SYN3: variants seen among roughly 807,000 people sequenced by gnomAD.
The protein encoded by SYN3 is synapsin III.
SYN3 carries 35 observed loss-of-function variants against 65.8 expected under a neutral mutation model. The ratio of observed to expected loss-of-function variants is 0.53; its 90% CI spans 0.41 to 0.70. The LOEUF (loss-of-function observed/expected upper bound fraction) is 0.70, where lower values mean the gene tolerates loss of function less well. SYN3 is among the 30% of genes least tolerant of loss of function. SYN3 has a pLI of 0.00. For synonymous variants in SYN3, 270 were observed against 292.9 expected, an observed-to-expected ratio of 0.92 and a Z score of 0.80; for missense variants, 680 against 749.0, an observed-to-expected ratio of 0.91 and a Z score of 1.08.
At chr22:32,968,086 G>A (rs1227144803) in intron 3 of SYN3, among the ~76,000 whole-genome samples, 1 of 152,176 alleles carries the variant, frequency 6.6e-6, no homozygotes, top group Non-Finnish European at 1.5e-5. Flanking sequence ...AGAGGAGGTT[G>A]GCAATGGCTC....
chr22:32,590,237 A>G (rs2059109633), intron 7 of SYN3, among the ~76,000 whole-genome samples: 1 of 152,214 alleles, frequency 6.6e-6, no homozygotes, highest in South Asian at 2.1e-4. Context: ...AAATATGTAT[A>G]TGAGTTAATG....
chr22:32,843,642 G>A (rs1485565019), intron 6 of SYN3, among the ~76,000 whole-genome samples: 1 of 152,100 alleles, frequency 6.6e-6, no homozygotes, highest in Non-Finnish European at 1.5e-5. Flanking sequence ...TCATGGGTAG[G>A]GCATCATTCC....
At chr22:32,814,351 G>GAAAGAA (rs1555970165) in intron 6 of SYN3, among the ~76,000 whole-genome samples, 1 of 14,574 alleles carries the variant, frequency 6.9e-5, no homozygotes, top group Non-Finnish European at 2.0e-4. Context: ...GAAAGAAAGA[G>GAAAGAA]AGAAAGAAAG....
intron 6 of SYN3, among the ~76,000 whole-genome samples, chr22:32,702,612 TTAACA>T (rs2060825009): frequency 6.6e-6 from 1 of 152,248 alleles, no homozygotes; most frequent in Non-Finnish European, 1.5e-5. Flanking sequence ...TGATATCCAC[TTAACA>T]TATGTTAACC....
chr22:33,024,472 C>A (rs1030818930), intron 1 of SYN3, among the ~76,000 whole-genome samples: 1 of 107,548 alleles, frequency 9.3e-6, no homozygotes, highest in African/African-American at 4.0e-5. Flanking sequence ...TCTTGATCTC[C>A]AAAATGGGAC....
chr22:32,929,001 G>A lies in SYN3; in HGVS notation c.461+2389C>T, dbSNP rs182047088. Among the ~76,000 whole-genome samples the A allele has an allele frequency of 1.0e-3, 155 of 152,210 alleles. 4 individuals are homozygous for A. The highest frequency in any genetic ancestry group is 3.1e-3 in the African/African-American group (130 of 41,536). ...TGTTTAAAAAAAAAATGGTTGTATC[G>A]GCTGGTCGCGGTGGCTCACACCTGT... On this transcript the variant is annotated intron_variant, in intron 4 of 13. Transcript: ENST00000358763.
At chr22:32,909,395 A>G (rs1396708157) in intron 4 of SYN3, among the ~76,000 whole-genome samples, 2 of 152,148 alleles carry the variant, frequency 1.3e-5, no homozygotes, top group African/African-American at 4.8e-5. Flanking sequence ...AGTTTACTTC[A>G]GGGACAGGAT....
chr22:33,040,686 T>C (rs1029364041), intron 1 of SYN3, among the ~76,000 whole-genome samples: 2 of 152,150 alleles, frequency 1.3e-5, no homozygotes, highest in African/African-American at 4.8e-5. Flanking sequence ...AATTGAATCA[T>C]GGGGGTGGTT....
At chr22:32,586,125 T>C (rs79744737) in intron 7 of SYN3, among the ~76,000 whole-genome samples, 15,178 of 149,198 alleles carry the variant, frequency 0.1, 932 homozygotes, top group African/African-American at 0.16. Flanking sequence ...TATATATGTA[T>C]ATGTATGTAT....
intron 3 of SYN3, among the ~76,000 whole-genome samples, chr22:32,943,934 C>A (rs1393300560): frequency 3.3e-5 from 5 of 152,104 alleles, no homozygotes; most frequent in African/African-American, 1.2e-4. Flanking sequence ...ACAGGAGCAC[C>A]CAGATTCATA....
intron 6 of SYN3, among the ~76,000 whole-genome samples, chr22:32,736,884 C>T (rs1342587802): frequency 6.6e-6 from 1 of 152,158 alleles, no homozygotes; most frequent in Non-Finnish European, 1.5e-5. Flanking sequence ...TGCCTGAAGC[C>T]TGTGTATTCT....
intron 7 of SYN3, among the ~76,000 whole-genome samples, chr22:32,547,541 TCTC>T (rs1414121438): frequency 6.6e-6 from 1 of 152,064 alleles, no homozygotes; most frequent in African/African-American, 2.4e-5. Context: ...CTCACACTCT[TCTC>T]CTCTCTTGCT....
At chr22:32,537,997 A>C in intron 9 of SYN3, 39 bp downstream of exon 9, 1 of 1,583,074 alleles carries the variant, frequency 6.3e-7, no homozygotes, top group Non-Finnish European at 8.7e-7. Flanking sequence ...AGCTCCTACT[A>C]TGGCCAGTGC....
At chr22:32,984,788 G>A (rs2052475450) in intron 2 of SYN3, among the ~76,000 whole-genome samples, 1 of 152,246 alleles carries the variant, frequency 6.6e-6, no homozygotes, top group African/African-American at 2.4e-5. Context: ...GCCTGGGACC[G>A]GGAATGGTAA....
chr22:32,638,983 TCA>T (rs1482450720), intron 6 of SYN3, among the ~76,000 whole-genome samples: 1 of 152,156 alleles, frequency 6.6e-6, no homozygotes, highest in African/African-American at 2.4e-5. Context: ...AGACAGAGTC[TCA>T]CTCTGTGGCC....
chr22:32,939,678 A>T (rs1046335919), intron 3 of SYN3, among the ~76,000 whole-genome samples: 6 of 152,210 alleles, frequency 3.9e-5, no homozygotes, highest in Non-Finnish European at 8.8e-5. Context: ...TGCTGTGGTT[A>T]GCAGCAGTCA....
chr22:32,741,347 ATTTTTTTT>A (rs71187210), intron 6 of SYN3, among the ~76,000 whole-genome samples: 60 of 98,690 alleles, frequency 6.1e-4, no homozygotes, highest in African/African-American at 2.3e-3. Context: ...CTAGAGCCCA[ATTTTTTTT>A]TTTTTTTTTT....
At chr22:33,005,126 C>T (rs1569397874) in intron 2 of SYN3, among the ~76,000 whole-genome samples, 2 of 152,200 alleles carry the variant, frequency 1.3e-5, no homozygotes, top group African/African-American at 2.4e-5. Flanking sequence ...TCCCCAGCCA[C>T]GTGGAACTGT....
chr22:32,908,132 C>A (rs1422514533), intron 4 of SYN3, among the ~76,000 whole-genome samples: 1 of 151,764 alleles, frequency 6.6e-6, no homozygotes, highest in Non-Finnish European at 1.5e-5. Context: ...GTCCTCCAGG[C>A]TGGAGTGCAG....
Sources: gnomAD v4.1 joint callset for allele counts (sites outside exome capture counted in the v4.1 genomes callset) on GRCh38, gnomAD v4.1.1 for gene constraint, MANE v1.5 for transcripts, NCBI Gene and HGNC (gene_info 2026-07-23, HGNC 2026-07-21) for gene names.